Variants in FMN2 observed in about 807,000 individuals in gnomAD.
The protein encoded by FMN2 is formin-2.
A neutral mutation model predicts 142.3 loss-of-function variants in FMN2; 51 were observed. The observed-to-expected ratio is 0.36, with a 90% CI of 0.29 to 0.45. The LOEUF (loss-of-function observed/expected upper bound fraction) is 0.45, where lower values mean the gene tolerates loss of function less well. Among genes scored for constraint, FMN2 ranks in the 20% least tolerant of loss-of-function variants. The probability of loss-of-function intolerance (pLI) is 1.00; values close to 1 mark genes in which losing one functional copy is unlikely to be tolerated. For synonymous variants in FMN2, 882 were observed against 869.8 expected (o/e 1.01, Z -0.25); for missense variants, 1,936 against 2,122.8 (o/e 0.91, Z 1.73).
At chr1:240,251,191 T>G (rs1668266155) in intron 6 of FMN2, among the ~76,000 whole-genome samples, 1 of 152,142 alleles carries the variant, frequency 6.6e-6, no homozygotes, top group Non-Finnish European at 1.5e-5. Flanking sequence ...CTTTCTACTT[T>G]TTTGATGTAG....
intron 8 of FMN2, among the ~76,000 whole-genome samples, chr1:240,307,559 A>C (rs1670452627): frequency 6.6e-6 from 1 of 152,144 alleles, no homozygotes; most frequent in Non-Finnish European, 1.5e-5. Context: ...GGTTGTAGGT[A>C]TGCAACTTTA....
chr1:240,137,955 T>C (rs1663018892), intron 2 of FMN2, among the ~76,000 whole-genome samples: 1 of 150,072 alleles, frequency 6.7e-6, no homozygotes. Flanking sequence ...CCGGGTGCAG[T>C]CGTGTGCGCT....
rs111893234 is a variant in FMN2, at chr1:240,180,310, C to T, written c.1930+2242C>T. ...AACTTCTTCTGTTGTGACTCCCTGA[C>T]GTAAATTTGGAGAGACACTTCCATG... On this transcript the variant is annotated intron_variant, in intron 3 of 17. Coordinates refer to ENST00000319653, the MANE Select transcript of FMN2 (RefSeq NM_020066.5). 3.3e-5 allele frequency: 15 copies of T among 458,122 alleles called. 1 individual carries two copies. The highest frequency in any genetic ancestry group is 1.7e-4 in the Admixed American group (4 of 23,526). The allele number at this position is 458,122 out of a possible 1,614,324, so 28.4% of individuals were successfully genotyped here.
intron 2 of FMN2, among the ~76,000 whole-genome samples, chr1:240,177,019 T>C (rs12145620): frequency 0.041 from 6,261 of 152,352 alleles, 156 homozygotes; most frequent in Non-Finnish European, 0.058. Flanking sequence ...GTGATTACAG[T>C]GGTTTTTTGT....
At position 240,136,884 on chromosome 1, in the gene FMN2, C is replaced by A. The variant is rs764069739; in HGVS notation, c.1782+13539C>A. On this transcript the variant is annotated intron_variant, in intron 2 of 17. Coordinates refer to ENST00000319653, the MANE Select transcript of FMN2 (RefSeq NM_020066.5). ...TCAGGAGTTTGAGATCAGCCTGACC[C>A]ACATGGTGAAACCCTGTCTCTACTA... 5.1e-4 allele frequency among the ~76,000 whole-genome samples: 78 copies of A among 151,790 alleles called. 1 individual carries two copies. The highest frequency in any genetic ancestry group is 6.8e-4 in the Non-Finnish European group (46 of 67,974).
chr1:240,215,791 C>A (rs1035919307), intron 6 of FMN2, among the ~76,000 whole-genome samples: 1 of 152,072 alleles, frequency 6.6e-6, no homozygotes, highest in Non-Finnish European at 1.5e-5. Context: ...TCACTGCAAC[C>A]TCCCCCTCCC....
At chr1:240,327,793 T>G (rs1284651227) in intron 8 of FMN2, among the ~76,000 whole-genome samples, 3 of 152,162 alleles carry the variant, frequency 2.0e-5, no homozygotes, top group South Asian at 4.2e-4. Flanking sequence ...AGTTTGCGAT[T>G]ATAAAGGGTA....
chr1:240,209,773 G>C (rs996749858), intron 5 of FMN2, among the ~76,000 whole-genome samples: 3 of 151,544 alleles, frequency 2.0e-5, no homozygotes, highest in African/African-American at 7.3e-5. Flanking sequence ...GCGAGGTGGC[G>C]GGCGCCGGTA....
intron 4 of FMN2, among the ~76,000 whole-genome samples, chr1:240,198,247 A>T (rs1665989186): frequency 6.6e-6 from 1 of 152,212 alleles, no homozygotes; most frequent in African/African-American, 2.4e-5. Context: ...CAGGAACCAA[A>T]AAGGCTGGTT....
At chr1:240,249,448 T>C (rs933407993) in intron 6 of FMN2, among the ~76,000 whole-genome samples, 7 of 152,174 alleles carry the variant, frequency 4.6e-5, no homozygotes, top group Admixed American at 2.0e-4. Context: ...TTCTTTTCCA[T>C]TGGTCTATGT....
intron 6 of FMN2, among the ~76,000 whole-genome samples, chr1:240,250,147 G>A (rs1668230700): frequency 6.6e-6 from 1 of 152,130 alleles, no homozygotes; most frequent in African/African-American, 2.4e-5. Flanking sequence ...AGTGGTGAAA[G>A]TGAGCATCCT....
At chr1:240,178,447 CT>C (rs563401571) in intron 3 of FMN2, among the ~76,000 whole-genome samples, 11,265 of 91,276 alleles carry the variant, frequency 0.12, 432 homozygotes, top group African/African-American at 0.19. Flanking sequence ...TCTTCTTCTT[CT>C]TTTTTTTTTT....
chr1:240,174,355 TTTTC>T (rs141427333), intron 2 of FMN2, among the ~76,000 whole-genome samples: 1,841 of 152,218 alleles, frequency 0.012, 38 homozygotes, highest in African/African-American at 0.042. Context: ...CAGAAACTTC[TTTTC>T]TTTCTGTTTT....
chr1:240,448,835 T>A (rs1428978152), intron 16 of FMN2, among the ~76,000 whole-genome samples: 1 of 151,748 alleles, frequency 6.6e-6, no homozygotes, highest in African/African-American at 2.4e-5. Context: ...AAAATAGTAA[T>A]TCAATATGAT....
At chr1:240,144,915 A>G in intron 2 of FMN2, 3 of 1,348,422 alleles carry the variant, frequency 2.2e-6, no homozygotes, top group Admixed American at 1.7e-5. Context: ...TCATGACTCC[A>G]TGATGCCAAT....
chr1:240,282,669 C>T (rs1206306720), intron 7 of FMN2, among the ~76,000 whole-genome samples: 3 of 152,150 alleles, frequency 2.0e-5, no homozygotes, highest in Admixed American at 1.3e-4. Flanking sequence ...ACTCAAAGGC[C>T]CCAGGTTTCC....
intron 2 of FMN2, chr1:240,144,881 TCTC>T (rs1663371892): frequency 2.1e-6 from 3 of 1,432,448 alleles, no homozygotes; most frequent in Non-Finnish European, 3.0e-6. Context: ...CTTAGCCACT[TCTC>T]CTGCCAGGTG....
At chr1:240,284,984 C>T (rs1669535870) in intron 7 of FMN2, among the ~76,000 whole-genome samples, 1 of 152,028 alleles carries the variant, frequency 6.6e-6, no homozygotes, top group Admixed American at 6.6e-5. Context: ...GTTGGCCTTC[C>T]TAAATTTGTC....
chr1:240,424,857 G>A (rs9659751), intron 15 of FMN2, among the ~76,000 whole-genome samples: 123,156 of 152,140 alleles, frequency 0.81, 49,974 homozygotes, highest in Middle Eastern at 0.87. Context: ...CTTCTAATAC[G>A]TAGTCAAAAA....
Sources: gnomAD v4.1 joint callset for allele counts (sites outside exome capture counted in the v4.1 genomes callset) on GRCh38, gnomAD v4.1.1 for gene constraint, MANE v1.5 for transcripts, NCBI Gene and HGNC (gene_info 2026-07-23, HGNC 2026-07-21) for gene names.